The following PCDHA9 variants were observed in gnomAD, a reference collection of about 807,000 sequenced individuals.
PCDHA9 encodes protocadherin alpha 9.
In PCDHA9, 62 loss-of-function variants were observed where a neutral mutation model predicts 62.0. The observed-to-expected ratio is 1.00, with a 90% CI of 0.81 to 1.23. PCDHA9 has a LOEUF of 1.23. Ranked by LOEUF, PCDHA9 falls within the 50% of genes most tolerant of loss-of-function variation. The pLI, the probability that PCDHA9 is intolerant of heterozygous loss-of-function variation, is 0.00. For missense variants in PCDHA9, 1,205 were observed against 1,249.8 expected (o/e 0.96, Z 0.54); for synonymous variants, 557 against 567.6 (o/e 0.98, Z 0.27).
At position 140,867,338 on chromosome 5, in the gene PCDHA9, A is replaced by C. The variant is rs535853406; in HGVS notation, c.2394+16449A>C. The stretch of plus-strand genomic sequence containing the variant: ...TGGTCTAATGTTATGTTTTGATTAG[A>C]GGCTACTATGATTGATTATTTTACA... On this transcript the variant is annotated intron_variant, in intron 1 of 3. Transcript: ENST00000532602. 3.3e-5 allele frequency: 5 copies of C among 152,270 alleles called. No individual in the cohort carries two copies. In the East Asian group the frequency reaches 5.8e-4, roughly 18 times the overall value. The allele number at this position is 152,270 out of a possible 1,614,324, so 9.4% of individuals were successfully genotyped here.
At chr5:140,976,011 C>A (rs983997714) in intron 1 of PCDHA9, among the ~76,000 whole-genome samples, 10 of 152,230 alleles carry the variant, frequency 6.6e-5, no homozygotes, top group Admixed American at 1.3e-4. Flanking sequence ...TATTAAAGAA[C>A]TAAATAATCA....
At chr5:140,975,553 G>T (rs990389718) in intron 1 of PCDHA9, among the ~76,000 whole-genome samples, 2 of 152,226 alleles carry the variant, frequency 1.3e-5, no homozygotes, top group Non-Finnish European at 2.9e-5. Context: ...TATTAGGAAG[G>T]AAAAGGAGAT....
intron 1 of PCDHA9, among the ~76,000 whole-genome samples, chr5:140,962,688 G>C (rs1433931568): frequency 2.0e-5 from 3 of 152,164 alleles, no homozygotes; most frequent in African/African-American, 7.2e-5. Context: ...TGTTTTATCT[G>C]TAAATAATGC....
chr5:140,945,807 C>G (rs1408404648), intron 1 of PCDHA9, among the ~76,000 whole-genome samples: 1 of 152,120 alleles, frequency 6.6e-6, no homozygotes, highest in African/African-American at 2.4e-5. Context: ...AGACCCTTAT[C>G]TCACACTGTA....
chr5:141,010,697 C>T lies in PCDHA9; in HGVS notation c.*760C>T, dbSNP rs1163164861. The T allele has an allele frequency of 6.3e-6, 1 of 158,698 alleles. No homozygotes were observed. 9.8% of individuals were successfully genotyped at this position (158,698 alleles called of 1,614,324 possible). A position where few individuals can be genotyped will look rare whatever the true frequency, so the allele number is the denominator to read the frequency against. On this transcript the variant is annotated 3_prime_UTR_variant, in exon 4 of 4. Coordinates refer to ENST00000532602, the MANE Select transcript of PCDHA9 (RefSeq NM_031857.2). ...AACAGAAGCAGATCTGATGTGTTTCCTATACATGTCCTGTGCTCACTTTAT... is the reference window on the plus strand; with the variant it reads ...AACAGAAGCAGATCTGATGTGTTTCTTATACATGTCCTGTGCTCACTTTAT...
At chr5:140,876,140 C>G in intron 1 of PCDHA9, 1 of 1,613,944 alleles carries the variant, frequency 6.2e-7, no homozygotes, top group Non-Finnish European at 8.5e-7. Context: ...CCAGAACTAA[C>G]AGGGTCTGTC....
chr5:140,882,474 A>G, intron 1 of PCDHA9: 1 of 1,614,054 alleles, frequency 6.2e-7, no homozygotes, highest in Non-Finnish European at 8.5e-7. Context: ...GTGGCGTCCA[A>G]AAGACACGGG....
chr5:140,932,346 A>G lies in PCDHA9; in HGVS notation c.2395-46603A>G, dbSNP rs529573484. 2.6e-5 allele frequency among the ~76,000 whole-genome samples: 4 copies of G among 152,072 alleles called. No homozygotes were observed. In the South Asian group the frequency reaches 6.2e-4, roughly 24 times the overall value. ...AGCAAAAATGCATGAAACACTTACCATACAACTGGCCTTATTAAATTTCCA... is the reference window on the plus strand; with the variant it reads ...AGCAAAAATGCATGAAACACTTACCGTACAACTGGCCTTATTAAATTTCCA... On this transcript the variant is annotated intron_variant, in intron 1 of 3. Coordinates refer to ENST00000532602, the MANE Select transcript of PCDHA9 (RefSeq NM_031857.2).
At chr5:140,883,888 T>C (rs781919107) in intron 1 of PCDHA9, 12 of 1,612,946 alleles carry the variant, frequency 7.4e-6, no homozygotes, top group African/African-American at 5.4e-5. Flanking sequence ...CGCGCGACTC[T>C]GGCGTGCCGC....
chr5:140,885,044 T>G (rs187504984), intron 1 of PCDHA9, among the ~76,000 whole-genome samples: 1 of 152,360 alleles, frequency 6.6e-6, no homozygotes, highest in African/African-American at 2.4e-5. Context: ...TTTAGTTTAA[T>G]GTATACATAT....
intron 1 of PCDHA9, chr5:140,869,322 C>T (rs1169893950): frequency 1.9e-6 from 3 of 1,613,818 alleles, no homozygotes; most frequent in East Asian, 4.5e-5. Flanking sequence ...CACATGGGGA[C>T]CTTCTGGAGG....
chr5:140,871,132 G>T, intron 1 of PCDHA9: 7 of 1,613,372 alleles, frequency 4.3e-6, no homozygotes, highest in Non-Finnish European at 5.9e-6. Context: ...GGCGCCAAAG[G>T]CCTCTTCCCG....
At chr5:140,995,577 A>G (rs892793952) in intron 3 of PCDHA9, among the ~76,000 whole-genome samples, 7 of 152,242 alleles carry the variant, frequency 4.6e-5, no homozygotes, top group Non-Finnish European at 1.0e-4. Flanking sequence ...AAGATGAGCT[A>G]TGAGCTTTTA....
chr5:140,916,956 C>T (rs1554197714), intron 1 of PCDHA9, among the ~76,000 whole-genome samples: 1 of 152,220 alleles, frequency 6.6e-6, no homozygotes, highest in Non-Finnish European at 1.5e-5. Flanking sequence ...TTGCTGAGTT[C>T]TGACTGCTGG....
At chr5:140,908,226 T>A (rs1488573035) in intron 1 of PCDHA9, among the ~76,000 whole-genome samples, 1 of 152,140 alleles carries the variant, frequency 6.6e-6, no homozygotes, top group Non-Finnish European at 1.5e-5. Flanking sequence ...GAACCAGTCC[T>A]TAGTCTTCTC....
chr5:140,891,977 A>G (rs2063334150), intron 1 of PCDHA9, among the ~76,000 whole-genome samples: 1 of 152,206 alleles, frequency 6.6e-6, no homozygotes, highest in Non-Finnish European at 1.5e-5. Flanking sequence ...TTCCGTTCTC[A>G]TAAATTACTC....
Position 141,009,928 on chromosome 5 carries a change from T to C in PCDHA9, c.2844T>C (p.Ser948=), listed in dbSNP as rs373891102. The change falls in exon 4 of 4, where the codon AGT becomes AGC. Residue 948 remains serine (S), a synonymous_variant. Transcript: ENST00000532602. The stretch of plus-strand genomic sequence containing the variant: ...AAGGGAACAGCACGACTGACAACAG[T>C]GACCAGTGAGGTCCTCAAATGGAAA... ...KEKGNSTTDN[S]DQ is the part of the protein sequence containing the mutation. 3 of 1,607,808 alleles carry C rather than the reference T, an allele frequency of 1.9e-6. No homozygotes were observed. The highest frequency in any genetic ancestry group is 2.5e-6 in the Non-Finnish European group (3 of 1,178,138).
chr5:140,873,012 T>G (rs542650049), intron 1 of PCDHA9, among the ~76,000 whole-genome samples: 1 of 152,192 alleles, frequency 6.6e-6, no homozygotes. Context: ...TTCTTCATAT[T>G]TAGTTATTCT....
intron 1 of PCDHA9, among the ~76,000 whole-genome samples, chr5:140,950,636 T>A (rs528587890): frequency 1.4e-3 from 206 of 152,222 alleles, no homozygotes; most frequent in Non-Finnish European, 2.4e-3. Flanking sequence ...TTTATTTTTA[T>A]CCTGTTTATG....
Sources: allele counts gnomAD v4.1 joint callset (sites outside exome capture counted in the v4.1 genomes callset), GRCh38; gene constraint gnomAD v4.1.1; transcripts MANE v1.5; gene names NCBI Gene and HGNC (gene_info 2026-07-23, HGNC 2026-07-21).